The following SCML4 variants were observed in gnomAD, a reference collection of about 807,000 sequenced individuals.
SCML4 encodes the protein sex comb on midleg-like protein 4.
In SCML4, 34 loss-of-function variants were observed where a neutral mutation model predicts 41.1. The ratio of observed to expected loss-of-function variants is 0.83; its 90% CI spans 0.63 to 1.10. The LOEUF is 1.10. Ranked by LOEUF, SCML4 falls within the 50% of genes least tolerant of loss-of-function variation. The probability of loss-of-function intolerance (pLI) is 0.00; values close to 1 mark genes in which losing one functional copy is unlikely to be tolerated. For missense variants in SCML4, 522 were observed against 534.1 expected (o/e 0.98, Z 0.22); for synonymous variants, 214 against 220.9 (o/e 0.97, Z 0.28).
At chr6:107,725,209 G>A (rs1739858) in intron 5 of SCML4, among the ~76,000 whole-genome samples, 152,141 of 152,372 alleles carry the variant, frequency 1, 75,955 homozygotes, top group Middle Eastern at 1. Flanking sequence ...TGGTTCTACA[G>A]TAAAGACAAA....
Position 107,817,620 on chromosome 6 carries a change from C to CAAAAAAAAAA in SCML4, c.-60+6496_-60+6505dup, listed in dbSNP as rs35621962. 1.6e-3 allele frequency among the ~76,000 whole-genome samples: 73 copies of CAAAAAAAAAA among 45,984 alleles called. 6 individuals carry two copies. The highest frequency in any genetic ancestry group is 9.9e-3 in the African/African-American group (71 of 7,194). 30.2% of individuals were successfully genotyped at this position (45,984 alleles called of 152,430 possible). On this transcript the variant is annotated intron_variant, in intron 1 of 7. Transcript: ENST00000369020. ...TGGGCAACAGAGGAAGACTTCATCT[C>CAAAAAAAAAA]AAAAAAAAAAAAAAAGAAAAAAAAA...
chr6:107,804,648 T>C (rs1334258173), intron 1 of SCML4, among the ~76,000 whole-genome samples: 1 of 152,080 alleles, frequency 6.6e-6, no homozygotes, highest in Non-Finnish European at 1.5e-5. Flanking sequence ...CAGAGAATAT[T>C]ATCCAGTTGT....
chr6:107,756,855 T>C (rs983040587), intron 2 of SCML4, among the ~76,000 whole-genome samples: 1 of 152,202 alleles, frequency 6.6e-6, no homozygotes, highest in African/African-American at 2.4e-5. Context: ...GGCCTCTTCC[T>C]GGCAGCACAG....
intron 1 of SCML4, among the ~76,000 whole-genome samples, chr6:107,813,787 T>A (rs1308347432): frequency 6.6e-6 from 1 of 152,218 alleles, no homozygotes; most frequent in Admixed American, 6.5e-5. Flanking sequence ...TCAGAGAGGC[T>A]TGCCTGGGCA....
chr6:107,818,314 A>G (rs1255141030), intron 1 of SCML4, among the ~76,000 whole-genome samples: 1 of 152,070 alleles, frequency 6.6e-6, no homozygotes, highest in Non-Finnish European at 1.5e-5. Flanking sequence ...CACAGTGGCA[A>G]CAGCATGAAC....
chr6:107,792,719 A>G (rs1782426910), intron 1 of SCML4, among the ~76,000 whole-genome samples: 1 of 150,292 alleles, frequency 6.7e-6, no homozygotes, highest in African/African-American at 2.5e-5. Flanking sequence ...TGACAGGGAG[A>G]GACTCTGTCT....
chr6:107,844,988 C>T, the SCML4 span, among the ~76,000 whole-genome samples: 1 of 150,644 alleles, frequency 6.6e-6, no homozygotes, highest in African/African-American at 2.5e-5. Flanking sequence ...GTAACCCCAG[C>T]ATTTTGGGAG....
Position 107,729,122 on chromosome 6 carries a change from C to A in SCML4, c.683-8129G>T, listed in dbSNP as rs183479108. 6.7e-3 allele frequency among the ~76,000 whole-genome samples: 1,021 copies of A among 152,262 alleles called. 11 individuals are homozygous for A. The highest frequency in any genetic ancestry group is 0.023 in the African/African-American group (965 of 41,554). On this transcript the variant is annotated intron_variant, in intron 5 of 7. Transcript: ENST00000369020. ...TGCTTTCCACTGGCGGGACAGGGAACCACATGGGTATATTCATTTCCTAGG... is the reference window on the plus strand; with the variant it reads ...TGCTTTCCACTGGCGGGACAGGGAAACACATGGGTATATTCATTTCCTAGG...
At chr6:107,714,972 C>T (rs2463452) in intron 6 of SCML4, among the ~76,000 whole-genome samples, 95,704 of 130,846 alleles carry the variant, frequency 0.73, 35,292 homozygotes, top group Admixed American at 0.78. Flanking sequence ...CTGCACAAAC[C>T]CTTTATTTTT....
At chr6:107,845,774 G>A in the SCML4 span, among the ~76,000 whole-genome samples, 1 of 152,188 alleles carries the variant, frequency 6.6e-6, no homozygotes, top group Non-Finnish European at 1.5e-5. Flanking sequence ...GGCTTTATGA[G>A]ACCCAAATTA....
At chr6:107,774,167 C>T (rs532478146) in intron 1 of SCML4, among the ~76,000 whole-genome samples, 6 of 152,206 alleles carry the variant, frequency 3.9e-5, no homozygotes, top group Admixed American at 1.3e-4. Flanking sequence ...GTTCTGGATA[C>T]GAATTTTTTT....
intron 1 of SCML4, among the ~76,000 whole-genome samples, chr6:107,782,637 C>T (rs34206879): frequency 6.6e-6 from 1 of 150,896 alleles, no homozygotes; most frequent in African/African-American, 2.4e-5. Flanking sequence ...TGCCTGATGG[C>T]AGGTGCTGGT....
rs34080063 is a variant in SCML4, at chr6:107,779,180, A to AAAATAAATAAATAAATAAATAAAT, written c.-59-6818_-59-6795dup. ...GGGCAACAGAGGGAGACTCCATCTC[A>AAAATAAATAAATAAATAAATAAAT]AAATAAATAAATAAATAAATAAATA... On this transcript the variant is annotated intron_variant, in intron 1 of 7. Coordinates refer to ENST00000369020, the MANE Select transcript of SCML4 (RefSeq NM_198081.5). 6.0e-5 allele frequency among the ~76,000 whole-genome samples: 9 copies of AAAATAAATAAATAAATAAATAAAT among 148,778 alleles called. No individual in the cohort carries two copies. The East Asian group carries it at 1.0e-3, about 17-fold the overall frequency.
At chr6:107,799,111 C>T (rs984304531) in intron 1 of SCML4, among the ~76,000 whole-genome samples, 2 of 152,122 alleles carry the variant, frequency 1.3e-5, no homozygotes, top group South Asian at 2.1e-4. Flanking sequence ...ATCCTCTATA[C>T]CCTTGTAAGT....
chr6:107,821,293 C>T (rs1055061064), intron 1 of SCML4, among the ~76,000 whole-genome samples: 6 of 151,948 alleles, frequency 3.9e-5, no homozygotes, highest in African/African-American at 1.5e-4. Context: ...CCTCTTCTCT[C>T]CTCACCTGTC....
intron 2 of SCML4, among the ~76,000 whole-genome samples, chr6:107,759,840 G>A (rs902798301): frequency 5.3e-5 from 8 of 152,058 alleles, no homozygotes; most frequent in African/African-American, 1.2e-4. Flanking sequence ...TTTCCTCATC[G>A]GGGAAATGGA....
At chr6:107,807,901 A>C (rs1783859859) in intron 1 of SCML4, among the ~76,000 whole-genome samples, 1 of 152,236 alleles carries the variant, frequency 6.6e-6, no homozygotes, top group Admixed American at 6.5e-5. Context: ...CTTTTATTTC[A>C]AAGAACAGTT....
chr6:107,735,353 G>A (rs1776950185), intron 5 of SCML4, among the ~76,000 whole-genome samples: 1 of 152,176 alleles, frequency 6.6e-6, no homozygotes, highest in African/African-American at 2.4e-5. Flanking sequence ...TTCCAGTCAT[G>A]TGGCCTGCAC....
chr6:107,707,693 G>A (rs982808868), intron 7 of SCML4, among the ~76,000 whole-genome samples, 173 bp downstream of exon 7: 1 of 152,192 alleles, frequency 6.6e-6, no homozygotes, highest in Non-Finnish European at 1.5e-5. Flanking sequence ...TGAGGAGCCT[G>A]TGGTTGTACC....
Sources: allele counts gnomAD v4.1 joint callset (sites outside exome capture counted in the v4.1 genomes callset), GRCh38; gene constraint gnomAD v4.1.1; transcripts MANE v1.5; gene names NCBI Gene and HGNC (gene_info 2026-07-23, HGNC 2026-07-21).